The following NDUFAF6 variants were observed in gnomAD, a reference collection of about 807,000 sequenced individuals.
The protein encoded by NDUFAF6 is NADH dehydrogenase (ubiquinone) complex I, assembly factor 6.
Under a neutral mutation model 40.8 loss-of-function variants are expected in NDUFAF6, and 45 were observed. The ratio of observed to expected loss-of-function variants is 1.10; its 90% CI spans 0.87 to 1.42. The LOEUF (loss-of-function observed/expected upper bound fraction) is 1.42. Ranked by LOEUF, NDUFAF6 falls within the 40% of genes most tolerant of loss-of-function variation. NDUFAF6 has a pLI of 0.00. For missense variants in NDUFAF6, 435 were observed against 418.5 expected, an observed-to-expected ratio of 1.04 and a Z score of -0.34; for synonymous variants, 185 against 155.9, an observed-to-expected ratio of 1.19 and a Z score of -1.39.
chr8:95,086,423 C>G (rs1334868236), intron 2 of NDUFAF6, among the ~76,000 whole-genome samples: 1 of 152,168 alleles, frequency 6.6e-6, no homozygotes, highest in Non-Finnish European at 1.5e-5. Flanking sequence ...TGCTTAGCCC[C>G]ATGGCAGCAC....
intron 1 of NDUFAF6, chr8:94,958,205 A>G (rs898136901): frequency 2.6e-5 from 4 of 152,272 alleles, no homozygotes; most frequent in African/African-American, 9.6e-5. Context: ...TAGAAGGTCT[A>G]AATGTATTTA....
intron 2 of NDUFAF6, among the ~76,000 whole-genome samples, chr8:95,094,377 TCC>T (rs1809369837): frequency 1.7e-5 from 1 of 57,316 alleles, no homozygotes. Context: ...TTCTTTTCTT[TCC>T]TTCTTTCTTT....
downstream of NDUFAF6, among the ~76,000 whole-genome samples, chr8:95,077,688 G>T (rs894162963): frequency 1.8e-4 from 28 of 152,304 alleles, no homozygotes; most frequent in South Asian, 4.3e-3. Context: ...ACCATGACAG[G>T]AGAAGCATAG....
chr8:95,075,266 T>C (rs552741353), intron 9 of NDUFAF6, among the ~76,000 whole-genome samples: 4 of 152,364 alleles, frequency 2.6e-5, no homozygotes, highest in Admixed American at 2.0e-4. Flanking sequence ...CTTTCAGATA[T>C]GTGAATTCAT....
At chr8:94,946,699 A>G (rs1822038495) in intron 2 of NDUFAF6, among the ~76,000 whole-genome samples, 1 of 136,828 alleles carries the variant, frequency 7.3e-6, no homozygotes, top group Non-Finnish European at 1.6e-5. Flanking sequence ...CCTGTCTCAA[A>G]AAAAAAAAAA....
chr8:95,097,430 G>GCT (rs1449081203), upstream of NDUFAF6, among the ~76,000 whole-genome samples: 3 of 152,256 alleles, frequency 2.0e-5, no homozygotes, highest in Non-Finnish European at 4.4e-5. Context: ...GGGCGCAGCG[G>GCT]CTCACGCCTG....
Position 95,047,124 on chromosome 8 carries a change from G to A in NDUFAF6, c.711G>A (p.Met237Ile), listed in dbSNP as rs1050776383. 1 of 1,614,114 alleles carries A rather than the reference G, an allele frequency of 6.2e-7. No homozygotes were observed. Among genetic ancestry groups the A allele is most frequent in the South Asian group, 1.1e-5 (1 of 91,076 alleles). Residue 237 changes from methionine (M) to isoleucine (I), a missense_variant, in exon 6 of 9, where the codon ATG (methionine) becomes ATA (isoleucine). Transcript: ENST00000396124. ...RKVFLPMDIC[M>I]LHGVSQEDFL... ...TGTTCCTTCCCATGGATATTTGTAT[G>A]CTGGTAAGGCTGTAATTTGTACCTT...
At chr8:95,107,296 C>A (rs1196270168), downstream of NDUFAF6, among the ~76,000 whole-genome samples, 2 of 152,118 alleles carry the variant, frequency 1.3e-5, no homozygotes, top group African/African-American at 4.8e-5. Context: ...TACTATACAG[C>A]CATAAAAAAG....
intron 2 of NDUFAF6, among the ~76,000 whole-genome samples, chr8:95,082,494 CACTGT>C (rs1340549323): frequency 6.9e-6 from 1 of 144,640 alleles, no homozygotes; most frequent in Non-Finnish European, 1.5e-5. Context: ...GTACTTAATA[CACTGT>C]ATGATTTCCA....
At chr8:94,906,678 G>A (rs1011947424) in intron 1 of NDUFAF6, among the ~76,000 whole-genome samples, 28 of 152,242 alleles carry the variant, frequency 1.8e-4, no homozygotes, top group Non-Finnish European at 3.4e-4. Flanking sequence ...AGCAGAGGGA[G>A]TGTCCTGGTT....
At chr8:95,052,046 G>A (rs1831495474) in intron 7 of NDUFAF6, 128 bp from the exon 8 acceptor site, 1 of 833,364 alleles carries the variant, frequency 1.2e-6, no homozygotes, top group African/African-American at 1.7e-5. Context: ...TTAATCTGCA[G>A]GAGATGAGCT....
chr8:94,907,298 T>C (rs1818456241), intron 1 of NDUFAF6, among the ~76,000 whole-genome samples: 1 of 152,214 alleles, frequency 6.6e-6, no homozygotes, highest in Admixed American at 6.5e-5. Context: ...GCAAGGACCT[T>C]GCACAGTGCA....
chr8:95,091,125 C>G (rs1196769246), intron 2 of NDUFAF6, among the ~76,000 whole-genome samples: 2 of 151,878 alleles, frequency 1.3e-5, no homozygotes, highest in Non-Finnish European at 2.9e-5. Context: ...GTGACCTTTC[C>G]ATTCGCCAAA....
rs200535848 is a variant in NDUFAF6 at position 95,041,556 on chromosome 8, T to G, written c.421-14T>G. The G allele has an allele frequency of 1.3e-5, 1 of 75,472 alleles. No individual in the cohort carries two copies. The allele number at this position is 75,472 out of a possible 1,614,324, so 4.7% of individuals were successfully genotyped here. A position where few individuals can be genotyped will look rare whatever the true frequency, so the allele number is the denominator to read the frequency against. The stretch of plus-strand genomic sequence containing the variant: ...AGTACTTTCTAAAAACTTATAATGC[T>G]CTTTGTTTTTTAGGCTGTTAAAAGA... On this transcript the variant is annotated splice_polypyrimidine_tract_variant and intron_variant, in intron 3 of 8. Coordinates refer to ENST00000396124, the MANE Select transcript of NDUFAF6 (RefSeq NM_152416.4).
intron 1 of NDUFAF6, among the ~76,000 whole-genome samples, chr8:94,933,638 G>A (rs1329771684): frequency 2.0e-5 from 3 of 152,052 alleles, no homozygotes; most frequent in Admixed American, 2.0e-4. Flanking sequence ...GGTAGTGCAC[G>A]CCTGTAGTCC....
chr8:94,917,888 G>A (rs772507367), intron 1 of NDUFAF6, among the ~76,000 whole-genome samples: 5 of 152,114 alleles, frequency 3.3e-5, no homozygotes, highest in African/African-American at 4.8e-5. Flanking sequence ...TCTTCATCAT[G>A]TTTGCTTCTT....
chr8:94,989,596 G>A lies in NDUFAF6; in HGVS notation c.-84+8623G>A, dbSNP rs963216539. ...CAATGGTCAAACTAATGAACTGGGG[G>A]TCTGAATGAAAATGATGAGGCACTT... On this transcript the variant is annotated intron_variant, in intron 2 of 9. Coordinates refer to the NDUFAF6 transcript ENST00000396111. Among the ~76,000 whole-genome samples the A allele has an allele frequency of 2.6e-5, 4 of 152,140 alleles. No homozygotes were observed. The East Asian group carries it at 7.7e-4, about 29-fold the overall frequency.
At chr8:95,037,178 A>G (rs749591867) in intron 3 of NDUFAF6, among the ~76,000 whole-genome samples, 1 of 152,222 alleles carries the variant, frequency 6.6e-6, no homozygotes, top group Non-Finnish European at 1.5e-5. Flanking sequence ...GTTTGAATTT[A>G]TGTTTATAAC....
chr8:95,017,243 T>G (rs1827500699), intron 2 of NDUFAF6, among the ~76,000 whole-genome samples: 1 of 151,558 alleles, frequency 6.6e-6, no homozygotes, highest in African/African-American at 2.4e-5. Flanking sequence ...GCCCCGCCCA[T>G]CTGGTGCTTC....
Sources: gnomAD v4.1 joint callset for allele counts (sites outside exome capture counted in the v4.1 genomes callset) on GRCh38, gnomAD v4.1.1 for gene constraint, MANE v1.5 for transcripts, NCBI Gene and HGNC (gene_info 2026-07-23, HGNC 2026-07-21) for gene names.